UNC13C: variants seen among roughly 807,000 people sequenced by gnomAD.
The protein encoded by UNC13C is unc-13 homolog C.
In UNC13C, 174 loss-of-function variants were observed where a neutral mutation model predicts 245.4. That is an observed-to-expected ratio of 0.71 (90% CI 0.63 to 0.80). The LOEUF (loss-of-function observed/expected upper bound fraction) is 0.80, where lower values mean the gene tolerates loss of function less well. Among genes scored for constraint, UNC13C ranks in the 30% least tolerant of loss-of-function variants. The pLI, the probability that UNC13C is intolerant of heterozygous loss-of-function variation, is 0.00. For missense variants in UNC13C, 2,829 were observed against 2,602.9 expected (o/e 1.09, Z -1.89); for synonymous variants, 992 against 895.1 (o/e 1.11, Z -1.93).
chr15:53,992,164 G>A (rs1317600153), intron 1 of UNC13C, among the ~76,000 whole-genome samples: 3 of 151,936 alleles, frequency 2.0e-5, no homozygotes, highest in Non-Finnish European at 4.4e-5. Context: ...CACTGGAGAA[G>A]GAATGTATCC....
the UNC13C span, among the ~76,000 whole-genome samples, chr15:53,857,841 A>G: frequency 6.6e-6 from 1 of 152,238 alleles, no homozygotes; most frequent in African/African-American, 2.4e-5. Flanking sequence ...CACTTCATTT[A>G]TCAAACTGAA....
chr15:54,555,573 G>T (rs1246860977), intron 29 of UNC13C, 61 bp downstream of exon 29: 2 of 1,341,778 alleles, frequency 1.5e-6, no homozygotes, highest in Non-Finnish European at 2.1e-6. Flanking sequence ...TCCAGAGATA[G>T]GTAGCCCTGA....
chr15:54,069,031 T>C (rs1416926637), intron 2 of UNC13C, among the ~76,000 whole-genome samples: 1 of 152,196 alleles, frequency 6.6e-6, no homozygotes, highest in African/African-American at 2.4e-5. Context: ...GAACACAATG[T>C]GATACTCAGT....
chr15:53,925,067 A>G, the UNC13C span, among the ~76,000 whole-genome samples: 5 of 152,200 alleles, frequency 3.3e-5, no homozygotes, highest in African/African-American at 1.2e-4. Context: ...AATGGTTCTT[A>G]TAAAGAGAAA....
intron 2 of UNC13C, among the ~76,000 whole-genome samples, chr15:54,016,583 T>C (rs138902762): frequency 1.3e-5 from 2 of 152,296 alleles, no homozygotes; most frequent in South Asian, 2.1e-4. Context: ...TTCTCCACCA[T>C]GGAAATGAGA....
At position 54,300,193 on chromosome 15, in the gene UNC13C, A is replaced by C. The variant is rs750350396; in HGVS notation, c.4105-17A>C. On this transcript the variant is annotated splice_polypyrimidine_tract_variant and intron_variant, in intron 12 of 32. Coordinates refer to ENST00000260323, the MANE Select transcript of UNC13C (RefSeq NM_001080534.3). ...TTCTGAGGAATCACTGAACAATTAA[A>C]AACCACTTGCTTTTAGAATCTGTTC... 6.6e-5 allele frequency: 105 copies of C among 1,589,268 alleles called. No individual in the cohort carries two copies. The highest frequency in any genetic ancestry group is 8.2e-5 in the Non-Finnish European group (96 of 1,166,922).
the UNC13C span, among the ~76,000 whole-genome samples, chr15:53,883,681 C>T: frequency 1.3e-5 from 2 of 152,144 alleles, no homozygotes; most frequent in Admixed American, 1.3e-4. Flanking sequence ...TTCTTTTAGT[C>T]ATTATATAAT....
intron 4 of UNC13C, among the ~76,000 whole-genome samples, chr15:54,144,946 T>C (rs1241108497): frequency 6.6e-6 from 1 of 151,932 alleles, no homozygotes; most frequent in Non-Finnish European, 1.5e-5. Context: ...TAATTATCTA[T>C]CTATCTATAT....
chr15:54,001,346 A>G (rs1403288480), intron 1 of UNC13C, among the ~76,000 whole-genome samples: 1 of 152,052 alleles, frequency 6.6e-6, no homozygotes, highest in African/African-American at 2.4e-5. Context: ...TGTGACACAG[A>G]TGGAGGAGTG....
At chr15:54,506,697 A>T (rs1894491671) in intron 22 of UNC13C, among the ~76,000 whole-genome samples, 1 of 152,120 alleles carries the variant, frequency 6.6e-6, no homozygotes, top group Admixed American at 6.6e-5. Context: ...ATTTTGAGCC[A>T]CTAAGAAAAT....
Position 54,511,780 on chromosome 15 carries a change from C to T in UNC13C, c.5407C>T (p.Gln1803Ter). ...VPCILMNNIQ[Q>*]LRVQLEKMFE... ...CTGTATCTTGATGAACAATATTCAACAATTGCGGGTCCAGCTGGAAAAAAT... is the reference window on the plus strand; with the variant it reads ...CTGTATCTTGATGAACAATATTCAATAATTGCGGGTCCAGCTGGAAAAAAT... The change falls in exon 24 of 33, where the codon CAA becomes TAA. Residue 1803 changes from glutamine (Q) to a stop codon, truncating the protein, a stop_gained. Coordinates refer to ENST00000260323, the MANE Select transcript of UNC13C (RefSeq NM_001080534.3). LOFTEE classifies it high-confidence loss of function. 1 of 1,609,650 alleles carries T rather than the reference C, an allele frequency of 6.2e-7. No homozygotes were observed. The highest frequency in any genetic ancestry group is 8.5e-7 in the Non-Finnish European group (1 of 1,177,924).
chr15:54,055,378 A>C (rs969572996), intron 2 of UNC13C, among the ~76,000 whole-genome samples: 1 of 152,148 alleles, frequency 6.6e-6, no homozygotes. Context: ...TAATAATTCA[A>C]GTATACTGTG....
At chr15:54,091,079 G>T (rs1337279951) in intron 2 of UNC13C, among the ~76,000 whole-genome samples, 1 of 150,828 alleles carries the variant, frequency 6.6e-6, no homozygotes, top group African/African-American at 2.4e-5. Flanking sequence ...GGGGGAGGGG[G>T]GTTGCCTCAG....
At chr15:53,865,649 T>C in the UNC13C span, among the ~76,000 whole-genome samples, 2 of 152,132 alleles carry the variant, frequency 1.3e-5, no homozygotes, top group Non-Finnish European at 2.9e-5. Context: ...AACAGTGACA[T>C]GAGTAGGAGA....
In UNC13C at chr15:54,111,865, T is replaced by G. The variant is rs1444948255; in HGVS notation, c.2984-31153T>G. On this transcript the variant is annotated intron_variant, in intron 2 of 32. Transcript: ENST00000260323. ...TCCCCAAAAGGTGGGGGAAGAATCA[T>G]CAACCTTTCAAAGTTGGCATGCAAA... is the stretch of plus-strand genomic sequence containing the variant. 3.3e-5 allele frequency among the ~76,000 whole-genome samples: 5 copies of G among 152,124 alleles called. No homozygotes were observed. In the East Asian group the frequency reaches 7.7e-4, roughly 24 times the overall value.
intron 25 of UNC13C, among the ~76,000 whole-genome samples, 199 bp downstream of exon 25, chr15:54,525,836 G>C (rs73421547): frequency 0.041 from 6,236 of 152,162 alleles, 376 homozygotes; most frequent in African/African-American, 0.14. Context: ...CTAGAACTCT[G>C]TGCATCCTTC....
chr15:54,301,793 G>A (rs146758165), intron 13 of UNC13C, among the ~76,000 whole-genome samples: 17,929 of 151,892 alleles, frequency 0.12, 1,100 homozygotes, highest in Middle Eastern at 0.16. Context: ...TAATCCTTTG[G>A]GTATATATCT....
chr15:53,851,843 G>A, the UNC13C span, among the ~76,000 whole-genome samples: 7 of 152,218 alleles, frequency 4.6e-5, no homozygotes, highest in African/African-American at 1.4e-4. Context: ...TGTGGAGGTT[G>A]CTGGAAGGTG....
chr15:54,461,256 G>A (rs1891829327), intron 19 of UNC13C, among the ~76,000 whole-genome samples: 1 of 152,024 alleles, frequency 6.6e-6, no homozygotes, highest in South Asian at 2.1e-4. Context: ...CATTTTTTGA[G>A]TGCTGACATG....
Sources: allele counts gnomAD v4.1 joint callset (sites outside exome capture counted in the v4.1 genomes callset), GRCh38; gene constraint gnomAD v4.1.1; transcripts MANE v1.5; gene names NCBI Gene and HGNC (gene_info 2026-07-23, HGNC 2026-07-21).